ADAMTSL1: variants seen among roughly 807,000 people sequenced by gnomAD.
ADAMTSL1 encodes the protein ADAMTS-like protein 1.
ADAMTSL1 carries 126 observed loss-of-function variants against 201.8 expected under a neutral mutation model. The observed-to-expected ratio is 0.62, with a 90% CI of 0.54 to 0.72. The LOEUF (loss-of-function observed/expected upper bound fraction) is 0.72. ADAMTSL1 is among the 30% of genes least tolerant of loss of function. ADAMTSL1 has a pLI of 0.00. For synonymous variants in ADAMTSL1, 1,121 were observed against 903.4 expected, an observed-to-expected ratio of 1.24 and a Z score of -4.32; for missense variants, 2,679 against 2,277.8, an observed-to-expected ratio of 1.18 and a Z score of -3.59.
chr9:18,189,863 T>C (rs1334471911), intron 2 of ADAMTSL1, among the ~76,000 whole-genome samples: 1 of 152,202 alleles, frequency 6.6e-6, no homozygotes, highest in Non-Finnish European at 1.5e-5. Flanking sequence ...TGAAAGGTTT[T>C]TGTACTCTAG....
At chr9:18,065,960 C>G (rs191836720) in intron 1 of ADAMTSL1, among the ~76,000 whole-genome samples, 4,427 of 108,298 alleles carry the variant, frequency 0.041, 242 homozygotes, top group African/African-American at 0.14. Flanking sequence ...CCAGCTTCAG[C>G]TTGGGACAGA....
chr9:18,594,534 A>G (rs975308908), intron 4 of ADAMTSL1, among the ~76,000 whole-genome samples: 1 of 152,094 alleles, frequency 6.6e-6, no homozygotes, highest in African/African-American at 2.4e-5. Context: ...TTCTGACTGT[A>G]TATTTTCAAA....
chr9:18,826,598 AT>A (rs1468337569), intron 22 of ADAMTSL1, 135 bp downstream of exon 22: 11 of 1,077,760 alleles, frequency 1.0e-5, no homozygotes, highest in Non-Finnish European at 1.3e-5. Flanking sequence ...CTTCTTCCCA[AT>A]TTAGGGCCTT....
At chr9:18,585,217 A>C (rs978446364) in intron 4 of ADAMTSL1, among the ~76,000 whole-genome samples, 1 of 152,136 alleles carries the variant, frequency 6.6e-6, no homozygotes, top group African/African-American at 2.4e-5. Flanking sequence ...CCATCTTGCT[A>C]TTCCATTTAT....
At chr9:17,961,738 T>G (rs1475208176) in intron 1 of ADAMTSL1, among the ~76,000 whole-genome samples, 1 of 152,198 alleles carries the variant, frequency 6.6e-6, no homozygotes, top group Non-Finnish European at 1.5e-5. Context: ...GAGCCCACTC[T>G]GGGGACTCCC....
At chr9:17,908,956 A>G (rs1825828735) in intron 1 of ADAMTSL1, among the ~76,000 whole-genome samples, 2 of 151,110 alleles carry the variant, frequency 1.3e-5, no homozygotes, top group South Asian at 2.1e-4. Context: ...AAGTGTTCCT[A>G]TTTCTCCACA....
chr9:18,830,055 G>A (rs1824879324), intron 23 of ADAMTSL1, 78 bp downstream of exon 23: 17 of 1,522,642 alleles, frequency 1.1e-5, no homozygotes, highest in Non-Finnish European at 1.4e-5. Flanking sequence ...GTTTGCAGGT[G>A]GGAAGGAGGC....
chr9:18,074,561 C>CTTTTTTTT (rs138619215), intron 1 of ADAMTSL1, among the ~76,000 whole-genome samples: 3 of 131,348 alleles, frequency 2.3e-5, no homozygotes, highest in South Asian at 2.6e-4. Context: ...CTTCTCTTTT[C>CTTTTTTTT]TTTTTTTTTT....
chr9:18,860,294 G>A (rs1211025002), intron 23 of ADAMTSL1, among the ~76,000 whole-genome samples: 1 of 152,188 alleles, frequency 6.6e-6, no homozygotes, highest in Non-Finnish European at 1.5e-5. Flanking sequence ...TCAGCATACA[G>A]AAACTCAAAT....
chr9:18,008,054 A>G (rs62553118), intron 1 of ADAMTSL1, among the ~76,000 whole-genome samples: 6,491 of 152,132 alleles, frequency 0.043, 171 homozygotes, highest in South Asian at 0.11. Context: ...AAAAGAAGAT[A>G]TGATAACACT....
At chr9:18,037,761 G>A (rs1360233) in intron 1 of ADAMTSL1, among the ~76,000 whole-genome samples, 2 of 151,900 alleles carry the variant, frequency 1.3e-5, no homozygotes. Flanking sequence ...AACTTCTTAC[G>A]TGAGTGAAGT....
At chr9:18,009,937 C>T (rs1280252896) in intron 1 of ADAMTSL1, among the ~76,000 whole-genome samples, 2 of 152,078 alleles carry the variant, frequency 1.3e-5, no homozygotes, top group East Asian at 3.9e-4. Flanking sequence ...AGATAGAAGA[C>T]AGATACTATA....
intron 4 of ADAMTSL1, among the ~76,000 whole-genome samples, chr9:18,604,005 A>T (rs1740786396): frequency 6.6e-6 from 1 of 152,234 alleles, no homozygotes; most frequent in African/African-American, 2.4e-5. Flanking sequence ...ACCTGAACAA[A>T]GGAAAAGCAG....
chr9:18,121,565 A>C (rs571039196), intron 1 of ADAMTSL1, among the ~76,000 whole-genome samples: 16 of 152,208 alleles, frequency 1.1e-4, no homozygotes, highest in African/African-American at 3.6e-4. Context: ...ACCAACAACT[A>C]TAAGGAAAAG....
At chr9:18,755,261 G>A (rs752036893) in intron 16 of ADAMTSL1, among the ~76,000 whole-genome samples, 15 of 152,088 alleles carry the variant, frequency 9.9e-5, no homozygotes, top group Non-Finnish European at 1.6e-4. Context: ...GACCTTAAAC[G>A]GCACCACTAA....
At chr9:18,860,357 C>T (rs921575693) in intron 23 of ADAMTSL1, among the ~76,000 whole-genome samples, 2 of 152,172 alleles carry the variant, frequency 1.3e-5, no homozygotes, top group African/African-American at 2.4e-5. Context: ...TAGACCACCA[C>T]CCCTTTATAA....
At chr9:17,979,669 T>C (rs987545677) in intron 1 of ADAMTSL1, among the ~76,000 whole-genome samples, 1 of 152,168 alleles carries the variant, frequency 6.6e-6, no homozygotes, top group Admixed American at 6.6e-5. Context: ...TGGTGGTATT[T>C]TGTTTTGCTG....
At chr9:18,465,672 G>C (rs1472778837) in intron 2 of ADAMTSL1, among the ~76,000 whole-genome samples, 1 of 152,224 alleles carries the variant, frequency 6.6e-6, no homozygotes, top group Non-Finnish European at 1.5e-5. Flanking sequence ...GGGTGGCCAT[G>C]TATGTTTGTA....
chr9:18,698,542 T>C (rs1203567860), intron 13 of ADAMTSL1, among the ~76,000 whole-genome samples: 1 of 151,924 alleles, frequency 6.6e-6, no homozygotes, highest in African/African-American at 2.4e-5. Flanking sequence ...AGCCTCGGCC[T>C]CCCAAAGTAC....
Sources: gnomAD v4.1 joint callset for allele counts (sites outside exome capture counted in the v4.1 genomes callset) on GRCh38, gnomAD v4.1.1 for gene constraint, MANE v1.5 for transcripts, NCBI Gene and HGNC (gene_info 2026-07-23, HGNC 2026-07-21) for gene names.